The following NDST4 variants were observed in gnomAD, a reference collection of about 807,000 sequenced individuals.
NDST4 encodes N-deacetylase and N-sulfotransferase 4, also known as N-heparan sulfate sulfotransferase 4.
NDST4 carries 63 observed loss-of-function variants against 100.8 expected under a neutral mutation model. The ratio of observed to expected loss-of-function variants is 0.62; its 90% CI spans 0.51 to 0.77. The LOEUF is 0.77. NDST4 is among the 30% of genes least tolerant of loss of function. The pLI, the probability that NDST4 is intolerant of heterozygous loss-of-function variation, is 0.00. For synonymous variants in NDST4, 377 were observed against 361.8 expected (o/e 1.04, Z -0.48); for missense variants, 943 against 1,018.4 (o/e 0.93, Z 1.01).
chr4:114,874,498 G>A (rs1010373516), intron 6 of NDST4, among the ~76,000 whole-genome samples: 7 of 152,172 alleles, frequency 4.6e-5, no homozygotes, highest in African/African-American at 1.7e-4. Context: ...ACTGTTGTAT[G>A]GGGCAACATG....
At chr4:115,048,828 G>A (rs1332742379) in intron 2 of NDST4, among the ~76,000 whole-genome samples, 8 of 151,720 alleles carry the variant, frequency 5.3e-5, no homozygotes, top group Non-Finnish European at 1.2e-4. Flanking sequence ...TAGTAGAGAC[G>A]GGGTTTCAAC....
chr4:115,020,213 A>G (rs547464393), intron 2 of NDST4, among the ~76,000 whole-genome samples: 52 of 152,258 alleles, frequency 3.4e-4, no homozygotes, highest in Non-Finnish European at 6.2e-4. Context: ...CTAAGTGATC[A>G]TAGTCAGAAT....
At chr4:114,962,519 T>A (rs879627679) in intron 4 of NDST4, among the ~76,000 whole-genome samples, 1 of 151,912 alleles carries the variant, frequency 6.6e-6, no homozygotes, top group Non-Finnish European at 1.5e-5. Flanking sequence ...ATACAAAAAA[T>A]TAACAATATA....
chr4:115,018,268 A>G (rs1005120051), intron 2 of NDST4, among the ~76,000 whole-genome samples: 1 of 151,980 alleles, frequency 6.6e-6, no homozygotes, highest in African/African-American at 2.4e-5. Context: ...CACATTACAA[A>G]CTAGTCATTG....
chr4:114,934,477 C>G (rs1217237035), intron 6 of NDST4, among the ~76,000 whole-genome samples: 1 of 151,612 alleles, frequency 6.6e-6, no homozygotes, highest in Non-Finnish European at 1.5e-5. Context: ...TGGCGTGAAC[C>G]CGGGAGGCGG....
chr4:115,071,418 G>C (rs960282751), intron 2 of NDST4, among the ~76,000 whole-genome samples: 2 of 151,974 alleles, frequency 1.3e-5, no homozygotes, highest in South Asian at 4.1e-4. Flanking sequence ...CCAAGGAAGA[G>C]TCCAGTTACA....
At chr4:114,918,561 A>T (rs991472910) in intron 6 of NDST4, among the ~76,000 whole-genome samples, 1 of 4,578 alleles carries the variant, frequency 2.2e-4, no homozygotes, top group African/African-American at 3.4e-3. Flanking sequence ...AAAAATAAAT[A>T]AAAAAAAAAT....
At chr4:115,048,933 C>A (rs549820086) in intron 2 of NDST4, among the ~76,000 whole-genome samples, 1 of 152,052 alleles carries the variant, frequency 6.6e-6, no homozygotes, top group South Asian at 2.1e-4. Context: ...GCCACTGCGC[C>A]CGGCCCACAT....
At chr4:114,878,928 G>A (rs1197404361) in intron 6 of NDST4, among the ~76,000 whole-genome samples, 1 of 151,762 alleles carries the variant, frequency 6.6e-6, no homozygotes, top group Non-Finnish European at 1.5e-5. Context: ...TATAATTTCT[G>A]GTTAAACCAG....
chr4:115,039,323 T>C (rs1274009323), intron 2 of NDST4, among the ~76,000 whole-genome samples: 3 of 152,164 alleles, frequency 2.0e-5, no homozygotes, highest in Non-Finnish European at 4.4e-5. Flanking sequence ...AAGGTTTTTA[T>C]GTATTTCTTT....
chr4:115,089,929 G>A (rs577815382), intron 1 of NDST4, among the ~76,000 whole-genome samples: 54 of 151,530 alleles, frequency 3.6e-4, no homozygotes, highest in African/African-American at 1.2e-3. Context: ...ATTGGTATAT[G>A]TCCCCACAGA....
chr4:114,998,771 G>T (rs1273496705), intron 2 of NDST4, among the ~76,000 whole-genome samples: 2 of 151,942 alleles, frequency 1.3e-5, no homozygotes, highest in Admixed American at 1.3e-4. Flanking sequence ...ACTGCTTCAT[G>T]GTATGTTATA....
At chr4:114,931,621 G>A (rs1725516174) in intron 6 of NDST4, among the ~76,000 whole-genome samples, 2 of 151,620 alleles carry the variant, frequency 1.3e-5, no homozygotes, top group African/African-American at 4.8e-5. Flanking sequence ...TAGACTAAGG[G>A]AAAAGGAGAG....
chr4:114,945,237 A>T lies in NDST4; in HGVS notation c.1222-7734T>A, dbSNP rs1265612431. Among the ~76,000 whole-genome samples the T allele has an allele frequency of 2.0e-5, 3 of 148,062 alleles. No individual in the cohort carries two copies. The East Asian group carries it at 5.9e-4, about 29-fold the overall frequency. ...AAAAAAAAAAAAAAAAAAAAAAGAC[A>T]AATGGAGGTGCAGAGGATTTGGCTC... On this transcript the variant is annotated intron_variant, in intron 4 of 13. Transcript: ENST00000264363.
intron 6 of NDST4, among the ~76,000 whole-genome samples, chr4:114,907,032 G>A (rs2126212695): frequency 6.6e-6 from 1 of 152,160 alleles, no homozygotes; most frequent in Admixed American, 6.5e-5. Context: ...TAGTGGGAAA[G>A]TACATTAGAA....
At chr4:115,004,584 C>A (rs546911535) in intron 2 of NDST4, among the ~76,000 whole-genome samples, 1 of 152,238 alleles carries the variant, frequency 6.6e-6, no homozygotes, top group African/African-American at 2.4e-5. Flanking sequence ...TGGCCCTGAG[C>A]ATGAGGTTGG....
intron 1 of NDST4, among the ~76,000 whole-genome samples, chr4:115,088,854 A>C (rs1729458805): frequency 6.6e-6 from 1 of 152,036 alleles, no homozygotes; most frequent in Non-Finnish European, 1.5e-5. Flanking sequence ...AGCTTGGATA[A>C]AACTACCTCA....
At chr4:114,985,322 G>A (rs1354125771) in intron 2 of NDST4, among the ~76,000 whole-genome samples, 2 of 152,074 alleles carry the variant, frequency 1.3e-5, no homozygotes, top group African/African-American at 4.8e-5. Context: ...GAATCTAAAA[G>A]CTCACTCTCT....
At chr4:115,022,294 A>G (rs1727853795) in intron 2 of NDST4, among the ~76,000 whole-genome samples, 1 of 152,008 alleles carries the variant, frequency 6.6e-6, no homozygotes, top group African/African-American at 2.4e-5. Flanking sequence ...TTCCACATAT[A>G]TATATGTTCC....
Sources: allele counts gnomAD v4.1 joint callset (sites outside exome capture counted in the v4.1 genomes callset), GRCh38; gene constraint gnomAD v4.1.1; transcripts MANE v1.5; gene names NCBI Gene and HGNC (gene_info 2026-07-23, HGNC 2026-07-21).